The following DROSHA variants were observed in gnomAD, a reference collection of about 807,000 sequenced individuals.
DROSHA encodes ribonuclease 3.
In DROSHA, 56 loss-of-function variants were observed where a neutral mutation model predicts 181.9. That is an observed-to-expected ratio of 0.31 (90% CI 0.25 to 0.38). The LOEUF is 0.38. Ranked by LOEUF, DROSHA falls within the 10% of genes least tolerant of loss-of-function variation. DROSHA has a pLI of 1.00. For missense variants in DROSHA, 1,218 were observed against 1,743.5 expected (o/e 0.70, Z 5.37); for synonymous variants, 524 against 591.2 (o/e 0.89, Z 1.65).
chr5:31,457,834 G>A lies in DROSHA; in HGVS notation c.2575-6194C>T, dbSNP rs189941413. 1.1e-3 allele frequency among the ~76,000 whole-genome samples: 175 copies of A among 152,284 alleles called. 1 individual carries two copies. Among genetic ancestry groups the A allele is most frequent in the Middle Eastern group, 6.8e-3 (2 of 294 alleles). On this transcript the variant is annotated intron_variant, in intron 20 of 35. Transcript: ENST00000344624. ...GGGCCTAGAAGTTCAAGGCTGTAGT[G>A]AGCCATGATCGCAGTGTCACTGTAC...
Position 31,526,964 on chromosome 5 carries a change from C to T in DROSHA, c.21-52G>A, listed in dbSNP as rs1740670219. Reference sequence around the variant, plus strand: ...AAGTTTTTTTAAAAAATAATTCTTACTATGTAAACAGGGTTTCATAAATGC... The same window carrying T: ...AAGTTTTTTTAAAAAATAATTCTTATTATGTAAACAGGGTTTCATAAATGC... On this transcript the variant is annotated intron_variant, in intron 4 of 35. Coordinates refer to ENST00000344624, the MANE Select transcript of DROSHA (RefSeq NM_001382508.1). 78 of 1,511,452 alleles carry T rather than the reference C, an allele frequency of 5.2e-5. 3 individuals are homozygous for T. In the South Asian group the frequency reaches 9.3e-4, roughly 18 times the overall value. 93.6% of individuals were successfully genotyped at this position (1,511,452 alleles called of 1,614,324 possible).
chr5:31,440,695 T>G (rs559618325), intron 23 of DROSHA, among the ~76,000 whole-genome samples: 23 of 152,320 alleles, frequency 1.5e-4, no homozygotes, highest in Non-Finnish European at 2.9e-5. Flanking sequence ...TTGAAACTCT[T>G]CAGTGTCAAT....
intron 20 of DROSHA, among the ~76,000 whole-genome samples, chr5:31,459,915 A>T (rs1200965059): frequency 6.6e-6 from 1 of 152,092 alleles, no homozygotes; most frequent in Non-Finnish European, 1.5e-5. Flanking sequence ...TTAAGAAGTT[A>T]CAATGTCTCC....
intron 16 of DROSHA, among the ~76,000 whole-genome samples, chr5:31,481,367 A>G (rs1751014932): frequency 6.6e-6 from 1 of 152,238 alleles, no homozygotes; most frequent in South Asian, 2.1e-4. Flanking sequence ...AAATCTCACA[A>G]AGTAAATATC....
chr5:31,440,702 C>G (rs972890838), intron 23 of DROSHA, among the ~76,000 whole-genome samples: 1 of 152,160 alleles, frequency 6.6e-6, no homozygotes, highest in Admixed American at 6.5e-5. Context: ...TCTTCAGTGT[C>G]AATATGATGG....
chr5:31,410,453 T>G (rs1029853195), intron 31 of DROSHA, among the ~76,000 whole-genome samples: 1 of 152,204 alleles, frequency 6.6e-6, no homozygotes, highest in Non-Finnish European at 1.5e-5. Context: ...ACAACTGATC[T>G]TCATATTCTA....
chr5:31,480,178 GTATATATATATATA>G lies in DROSHA; in HGVS notation c.2071+3362_2071+3375del, dbSNP rs55828936. Among the ~76,000 whole-genome samples, 25 of 84,874 alleles carry G rather than the reference GTATATATATATATA, an allele frequency of 2.9e-4. No individual in the cohort carries two copies. The South Asian group carries it at 5.1e-3, about 17-fold the overall frequency. The allele number at this position is 84,874 out of a possible 152,430, so 55.7% of individuals were successfully genotyped here. ...GCCCGTTTTTCTATTGGCAATGTCAGTATATATATATATATATATATATATACTGAAAATACTCA... is the reference window on the plus strand; with the variant it reads ...GCCCGTTTTTCTATTGGCAATGTCAGTATATATATATACTGAAAATACTCA... On this transcript the variant is annotated intron_variant, in intron 16 of 35. Transcript: ENST00000344624.
intron 27 of DROSHA, among the ~76,000 whole-genome samples, chr5:31,425,464 T>C (rs897810620): frequency 6.6e-6 from 1 of 152,210 alleles, no homozygotes; most frequent in Non-Finnish European, 1.5e-5. Flanking sequence ...TGATTGTTCT[T>C]ACCTTCTTAC....
chr5:31,405,761 A>G, intron 34 of DROSHA, 38 bp from the exon 35 acceptor site: 1 of 1,179,102 alleles, frequency 8.5e-7, no homozygotes, highest in Non-Finnish European at 1.2e-6. Context: ...CTTTAATTTC[A>G]AGATTCTTTT....
At chr5:31,511,600 A>G (rs902320504) in intron 8 of DROSHA, among the ~76,000 whole-genome samples, 6 of 152,036 alleles carry the variant, frequency 3.9e-5, no homozygotes, top group African/African-American at 1.4e-4. Flanking sequence ...AGGCTAAGGC[A>G]GGAGAACTGT....
At chr5:31,517,645 T>A (rs944400969) in intron 6 of DROSHA, among the ~76,000 whole-genome samples, 4 of 152,230 alleles carry the variant, frequency 2.6e-5, no homozygotes, top group Non-Finnish European at 2.9e-5. Context: ...ATCAAATTTT[T>A]AAAATTATTA....
intron 8 of DROSHA, among the ~76,000 whole-genome samples, chr5:31,512,781 C>T (rs866004640): frequency 8.5e-5 from 13 of 152,294 alleles, no homozygotes; most frequent in Admixed American, 2.0e-4. Flanking sequence ...AGGAAGGGAT[C>T]CACAAGTCAA....
intron 6 of DROSHA, among the ~76,000 whole-genome samples, chr5:31,518,876 T>C (rs1739562969): frequency 6.6e-6 from 1 of 152,194 alleles, no homozygotes; most frequent in Non-Finnish European, 1.5e-5. Flanking sequence ...TCCTCACCCA[T>C]CCTTTTAAGC....
Position 31,472,088 on chromosome 5 carries a change from C to G in DROSHA, c.2216G>C (p.Gly739Ala). Reference protein sequence around the residue: ...EWQKYAEECKGMIVTNPGTKP... With the variant: ...EWQKYAEECKAMIVTNPGTKP... ...CGTCCCAGGGTTGGTAACAATCATG[C>G]CTTTGCATTCTTCTGCATATTTCTG... Residue 739 changes from glycine (G) to alanine (A), a missense_variant, in exon 17 of 36, where the codon GGC (glycine) becomes GCC (alanine). By Grantham distance (60) the Gly-to-Ala change is moderately conservative. Coordinates refer to ENST00000344624, the MANE Select transcript of DROSHA (RefSeq NM_001382508.1). 6.2e-7 allele frequency: 1 copy of G among 1,613,844 alleles called. No individual in the cohort carries two copies.
chr5:31,419,007 CT>C (rs1288729137), intron 30 of DROSHA, among the ~76,000 whole-genome samples: 1 of 152,146 alleles, frequency 6.6e-6, no homozygotes, highest in Non-Finnish European at 1.5e-5. Flanking sequence ...AGGAGAGACT[CT>C]ATTAAAAAGA....
At position 31,405,773 on chromosome 5, in the gene DROSHA, T is replaced by C. The variant is rs1415318192; in HGVS notation, c.3948-50A>G. On this transcript the variant is annotated intron_variant, in intron 34 of 35. Coordinates refer to ENST00000344624, the MANE Select transcript of DROSHA (RefSeq NM_001382508.1). ...ATACTTTAATTTCAAGATTCTTTTT[T>C]TTTTTTTTTTTTTTTTTTCAAAAAA... 10 of 992,764 alleles carry C rather than the reference T, an allele frequency of 1.0e-5. No individual in the cohort carries two copies. The Admixed American group carries it at 1.3e-4, about 13-fold the overall frequency. 61.5% of individuals were successfully genotyped at this position (992,764 alleles called of 1,614,324 possible). A position where few individuals can be genotyped will look rare whatever the true frequency, so the allele number is the denominator to read the frequency against.
At chr5:31,424,389 G>A (rs1195766833) in intron 28 of DROSHA, 38 bp downstream of exon 28, 2 of 1,583,036 alleles carry the variant, frequency 1.3e-6, no homozygotes, top group Middle Eastern at 1.7e-4. Flanking sequence ...AATAGCTGGA[G>A]TTATAAAGCT....
chr5:31,457,379 C>T (rs749847437), intron 20 of DROSHA, among the ~76,000 whole-genome samples: 13 of 152,044 alleles, frequency 8.6e-5, no homozygotes, highest in Non-Finnish European at 1.9e-4. Flanking sequence ...CCCACCTCGG[C>T]CTCCCAAAAT....
intron 10 of DROSHA, among the ~76,000 whole-genome samples, chr5:31,506,534 TGG>T (rs780953930): frequency 6.6e-6 from 1 of 151,694 alleles, no homozygotes; most frequent in Non-Finnish European, 1.5e-5. Flanking sequence ...AAAAATTAGC[TGG>T]GCGTGGTGGT....
Sources: gnomAD v4.1 joint callset for allele counts (sites outside exome capture counted in the v4.1 genomes callset) on GRCh38, gnomAD v4.1.1 for gene constraint, MANE v1.5 for transcripts, NCBI Gene and HGNC (gene_info 2026-07-23, HGNC 2026-07-21) for gene names.